GALNT13: variants seen among roughly 807,000 people sequenced by gnomAD.
The protein encoded by GALNT13 is polypeptide N-acetylgalactosaminyltransferase 13.
GALNT13 carries 28 observed loss-of-function variants against 64.2 expected under a neutral mutation model. The observed-to-expected ratio is 0.44, with a 90% CI of 0.32 to 0.60. GALNT13 has a LOEUF of 0.60. Ranked by LOEUF, GALNT13 falls within the 20% of genes least tolerant of loss-of-function variation. The pLI is 0.05. For missense variants in GALNT13, 577 were observed against 669.8 expected, an observed-to-expected ratio of 0.86 and a Z score of 1.53; for synonymous variants, 214 against 224.6, an observed-to-expected ratio of 0.95 and a Z score of 0.42.
chr2:153,572,765 G>A, the GALNT13 span, among the ~76,000 whole-genome samples: 5 of 151,870 alleles, frequency 3.3e-5, no homozygotes, highest in Non-Finnish European at 7.4e-5. Context: ...AATTCCTCCT[G>A]TTATTAATTG....
the GALNT13 span, among the ~76,000 whole-genome samples, chr2:153,739,602 TTATTA>T: frequency 1.4e-5 from 2 of 144,638 alleles, no homozygotes; most frequent in African/African-American, 5.0e-5. Context: ...ATTTATTTAT[TTATTA>T]AAAATGAGAT....
the GALNT13 span, among the ~76,000 whole-genome samples, chr2:153,393,475 C>CT: frequency 4.6e-5 from 7 of 151,752 alleles, no homozygotes; most frequent in African/African-American, 1.5e-4. Flanking sequence ...TTAAAGAATT[C>CT]TTTTTTTTCC....
chr2:153,803,274 T>G, the GALNT13 span, among the ~76,000 whole-genome samples: 28 of 152,154 alleles, frequency 1.8e-4, no homozygotes, highest in African/African-American at 6.8e-4. Flanking sequence ...TCCCCCAAAA[T>G]TTATATGTTG....
At chr2:153,856,892 A>G in the GALNT13 span, among the ~76,000 whole-genome samples, 1 of 152,148 alleles carries the variant, frequency 6.6e-6, no homozygotes, top group African/African-American at 2.4e-5. Flanking sequence ...ACGTGGATCT[A>G]TAAGTTATAG....
chr2:153,822,980 G>T, the GALNT13 span, among the ~76,000 whole-genome samples: 1 of 152,066 alleles, frequency 6.6e-6, no homozygotes, highest in Non-Finnish European at 1.5e-5. Context: ...GATCAATAAT[G>T]TTCAACCTGA....
At chr2:153,328,872 G>C in the GALNT13 span, among the ~76,000 whole-genome samples, 18 of 152,076 alleles carry the variant, frequency 1.2e-4, no homozygotes, top group African/African-American at 4.3e-4. Context: ...AACTCTTGCA[G>C]CTATCTCGGT....
chr2:154,260,657 G>C, intron 8 of GALNT13, among the ~76,000 whole-genome samples: 1 of 152,146 alleles, frequency 6.6e-6, no homozygotes, highest in East Asian at 1.9e-4. Context: ...CAGGAATTTT[G>C]AGGACATTTG....
the GALNT13 span, among the ~76,000 whole-genome samples, chr2:153,183,583 TA>T: frequency 6.6e-6 from 1 of 152,238 alleles, no homozygotes; most frequent in Non-Finnish European, 1.5e-5. Context: ...GATTTTCTTC[TA>T]GGCTTTTTAT....
At chr2:153,636,601 A>C in the GALNT13 span, among the ~76,000 whole-genome samples, 1 of 152,128 alleles carries the variant, frequency 6.6e-6, no homozygotes, top group Non-Finnish European at 1.5e-5. Flanking sequence ...AATTTGGAGA[A>C]ATTGAAGCTC....
At chr2:154,321,932 G>C (rs1694643896) in intron 9 of GALNT13, among the ~76,000 whole-genome samples, 1 of 151,836 alleles carries the variant, frequency 6.6e-6, no homozygotes, top group African/African-American at 2.4e-5. Context: ...ACCTGGGGCA[G>C]GGATAACAAA....
chr2:153,898,926 A>G (rs1381243501), intron 1 of GALNT13, among the ~76,000 whole-genome samples: 3 of 151,638 alleles, frequency 2.0e-5, no homozygotes, highest in African/African-American at 7.3e-5. Context: ...AAAACACTCC[A>G]GTATTTAAAA....
chr2:153,286,024 G>A, the GALNT13 span, among the ~76,000 whole-genome samples: 1 of 151,890 alleles, frequency 6.6e-6, no homozygotes, highest in East Asian at 1.9e-4. Flanking sequence ...AAAAATTATG[G>A]GAATATAGAA....
intron 8 of GALNT13, among the ~76,000 whole-genome samples, chr2:154,268,923 A>G (rs977812930): frequency 1.3e-4 from 20 of 152,270 alleles, no homozygotes; most frequent in Middle Eastern, 3.4e-3. Context: ...GTCAGTAACT[A>G]ATATTTTAAT....
the GALNT13 span, among the ~76,000 whole-genome samples, chr2:153,729,598 C>T: frequency 2.6e-5 from 4 of 151,972 alleles, no homozygotes; most frequent in African/African-American, 9.7e-5. Flanking sequence ...ACTTTGCCCA[C>T]TTTCACTATT....
chr2:153,623,045 A>C, the GALNT13 span, among the ~76,000 whole-genome samples: 1 of 151,952 alleles, frequency 6.6e-6, no homozygotes, highest in African/African-American at 2.4e-5. Context: ...AATGATATGG[A>C]TATTGTGACT....
At chr2:153,614,087 TA>T in the GALNT13 span, among the ~76,000 whole-genome samples, 23 of 152,014 alleles carry the variant, frequency 1.5e-4, no homozygotes, top group African/African-American at 5.6e-4. Flanking sequence ...GAAGGAACTA[TA>T]AACTGAGTGG....
intron 3 of GALNT13, among the ~76,000 whole-genome samples, chr2:154,050,573 G>T (rs1023751140): frequency 2.0e-5 from 3 of 151,984 alleles, no homozygotes; most frequent in Non-Finnish European, 2.9e-5. Flanking sequence ...AGGCTTTGAG[G>T]ATCTCTTCTT....
chr2:153,374,583 CTATT>C, the GALNT13 span, among the ~76,000 whole-genome samples: 1 of 152,052 alleles, frequency 6.6e-6, no homozygotes, highest in Non-Finnish European at 1.5e-5. Flanking sequence ...ATAGACCTAT[CTATT>C]AAATATTTAA....
intron 2 of GALNT13, among the ~76,000 whole-genome samples, chr2:153,907,269 G>A (rs1352292374): frequency 6.6e-6 from 1 of 151,204 alleles, no homozygotes; most frequent in African/African-American, 2.4e-5. Flanking sequence ...ATGTATTTTG[G>A]TTAATTTGTG....
Sources: allele counts gnomAD v4.1 joint callset (sites outside exome capture counted in the v4.1 genomes callset), GRCh38; gene constraint gnomAD v4.1.1; transcripts MANE v1.5; gene names NCBI Gene and HGNC (gene_info 2026-07-23, HGNC 2026-07-21).